Variants in MYO10 observed in about 807,000 individuals in gnomAD.
The protein encoded by MYO10 is myosin X.
A neutral mutation model predicts 257.3 loss-of-function variants in MYO10; 133 were observed. The ratio of observed to expected loss-of-function variants is 0.52; its 90% CI spans 0.45 to 0.60. The LOEUF (loss-of-function observed/expected upper bound fraction) is 0.60. Ranked by LOEUF, MYO10 falls within the 20% of genes least tolerant of loss-of-function variation. MYO10 has a pLI of 0.00. For synonymous variants in MYO10, 1,104 were observed against 1,028.6 expected (o/e 1.07, Z -1.40); for missense variants, 2,399 against 2,635.7 (o/e 0.91, Z 1.97).
chr5:16,725,340 T>C (rs252077), intron 19 of MYO10, among the ~76,000 whole-genome samples: 105,491 of 151,756 alleles, frequency 0.7, 37,061 homozygotes, highest in African/African-American at 0.77. Context: ...GTGATCTGCC[T>C]GCCTCGCCCT....
chr5:16,734,366 C>T (rs905519384), intron 19 of MYO10, among the ~76,000 whole-genome samples: 4 of 152,198 alleles, frequency 2.6e-5, no homozygotes, highest in African/African-American at 7.2e-5. Flanking sequence ...AATGAACGTA[C>T]GTCCTTCACA....
intron 10 of MYO10, among the ~76,000 whole-genome samples, chr5:16,767,853 T>C (rs1402365157): frequency 6.6e-6 from 1 of 152,046 alleles, no homozygotes; most frequent in Non-Finnish European, 1.5e-5. Flanking sequence ...AATTTTTGTA[T>C]TTTTAGTAGA....
At chr5:16,780,147 C>A (rs1016731195) in intron 8 of MYO10, among the ~76,000 whole-genome samples, 1 of 152,120 alleles carries the variant, frequency 6.6e-6, no homozygotes, top group African/African-American at 2.4e-5. Context: ...AGTGATCCGT[C>A]TGCTTGGCCT....
intron 9 of MYO10, among the ~76,000 whole-genome samples, chr5:16,778,694 T>TG (rs1233640136): frequency 6.9e-6 from 1 of 145,436 alleles, no homozygotes; most frequent in African/African-American, 2.5e-5. Flanking sequence ...TGAGGTTTTT[T>TG]TTTTTTTTTT....
intron 3 of MYO10, among the ~76,000 whole-genome samples, chr5:16,816,366 C>CT (rs1264352329): frequency 2.7e-4 from 38 of 141,074 alleles, no homozygotes; most frequent in South Asian, 1.6e-3. Context: ...CAAATACACT[C>CT]TTTTTTTTTT....
intron 1 of MYO10, among the ~76,000 whole-genome samples, chr5:16,905,928 T>A (rs1323015507): frequency 6.6e-6 from 1 of 152,128 alleles, no homozygotes; most frequent in Non-Finnish European, 1.5e-5. Context: ...TCCAATTTCC[T>A]GTTCCCTATC....
intron 3 of MYO10, among the ~76,000 whole-genome samples, chr5:16,803,231 T>C (rs1388570635): frequency 1.3e-5 from 2 of 152,168 alleles, no homozygotes; most frequent in African/African-American, 4.8e-5. Context: ...TTAACCAGCC[T>C]GGGCACTAAT....
At chr5:16,907,177 C>T (rs1036773215) in intron 1 of MYO10, among the ~76,000 whole-genome samples, 4 of 152,074 alleles carry the variant, frequency 2.6e-5, no homozygotes, top group African/African-American at 7.2e-5. Flanking sequence ...AGAACATCGC[C>T]ATTTCTGGTA....
At chr5:16,676,181 G>GT (rs1561171874) in intron 33 of MYO10, 27 bp from the exon 34 acceptor site, 2 of 1,608,454 alleles carry the variant, frequency 1.2e-6, no homozygotes, top group Non-Finnish European at 1.7e-6. Context: ...CAAGCTTATT[G>GT]TAAGAAACCT....
chr5:16,791,118 A>T (rs1461609644), intron 4 of MYO10, among the ~76,000 whole-genome samples: 2 of 152,142 alleles, frequency 1.3e-5, no homozygotes, highest in African/African-American at 2.4e-5. Context: ...GTTCACTTAT[A>T]AAGCGAGAGA....
intron 28 of MYO10, among the ~76,000 whole-genome samples, chr5:16,687,561 G>A (rs1737307773): frequency 6.6e-6 from 1 of 151,442 alleles, no homozygotes; most frequent in African/African-American, 2.4e-5. Context: ...GGAAGTACTT[G>A]GTATCCAATG....
chr5:16,798,486 A>G (rs1338127574), intron 3 of MYO10, among the ~76,000 whole-genome samples: 2 of 129,478 alleles, frequency 1.5e-5, no homozygotes, highest in Non-Finnish European at 3.0e-5. Flanking sequence ...TGGAAGTTGG[A>G]AAAAAAAAAG....
intron 2 of MYO10, among the ~76,000 whole-genome samples, chr5:16,858,724 C>T (rs1485696525): frequency 6.6e-6 from 1 of 152,136 alleles, no homozygotes; most frequent in Non-Finnish European, 1.5e-5. Flanking sequence ...CTCTGGGAGG[C>T]CGAGGTGGGC....
chr5:16,934,279 TCAGA>T (rs1425511538), intron 1 of MYO10, among the ~76,000 whole-genome samples: 1 of 152,262 alleles, frequency 6.6e-6, no homozygotes, highest in Non-Finnish European at 1.5e-5. Context: ...CCTGTGGTGC[TCAGA>T]CAGGCTACAG....
At chr5:16,730,277 C>T (rs146104138) in intron 19 of MYO10, among the ~76,000 whole-genome samples, 3 of 152,218 alleles carry the variant, frequency 2.0e-5, no homozygotes, top group East Asian at 3.9e-4. Context: ...ACATATTAAC[C>T]GTGTAGGTCA....
In MYO10 at chr5:16,766,188, T is replaced by C; in HGVS notation, c.1071A>G (p.Arg357=). Residue 357 remains arginine (R), a synonymous_variant, in exon 11 of 41, where the codon AGA becomes AGG. Coordinates refer to ENST00000513610, the MANE Select transcript of MYO10 (RefSeq NM_012334.3). The part of the protein sequence containing the change: ...AQVSFKTALG[R]SAELLGLDPT... ...GGTCCAGCCCAAGTAACTCCGCAGATCTGCCCAAAGCTGCAGAGAATAAGA... is the reference window on the plus strand; with the variant it reads ...GGTCCAGCCCAAGTAACTCCGCAGACCTGCCCAAAGCTGCAGAGAATAAGA... 2 of 1,613,176 alleles carry C rather than the reference T, an allele frequency of 1.2e-6. No homozygotes were observed. The highest frequency in any genetic ancestry group is 1.7e-6 in the Non-Finnish European group (2 of 1,179,328).
At chr5:16,746,283 C>T (rs1308059180) in intron 19 of MYO10, among the ~76,000 whole-genome samples, 1 of 152,158 alleles carries the variant, frequency 6.6e-6, no homozygotes, top group African/African-American at 2.4e-5. Context: ...GTTTTGGCCA[C>T]CTTCTTTACG....
chr5:16,828,291 G>A (rs561000231), intron 2 of MYO10, among the ~76,000 whole-genome samples: 5 of 152,092 alleles, frequency 3.3e-5, no homozygotes, highest in African/African-American at 1.2e-4. Flanking sequence ...TGAAGATGAA[G>A]GCAAAGAGAT....
chr5:16,691,737 A>T (rs1271722850), intron 27 of MYO10, among the ~76,000 whole-genome samples: 1 of 151,926 alleles, frequency 6.6e-6, no homozygotes, highest in African/African-American at 2.4e-5. Flanking sequence ...ACTACTGCTG[A>T]CATCACAAGA....
Sources: gnomAD v4.1 joint callset for allele counts (sites outside exome capture counted in the v4.1 genomes callset) on GRCh38, gnomAD v4.1.1 for gene constraint, MANE v1.5 for transcripts, NCBI Gene and HGNC (gene_info 2026-07-23, HGNC 2026-07-21) for gene names.